The following DNAAF11 variants were observed in gnomAD, a reference collection of about 807,000 sequenced individuals.
DNAAF11 encodes the protein dynein axonemal assembly factor 11, also known as leucine rich repeat containing 6.
A neutral mutation model predicts 60.8 loss-of-function variants in DNAAF11; 45 were observed. The observed-to-expected ratio is 0.74, with a 90% CI of 0.58 to 0.95. DNAAF11 has a LOEUF of 0.95. DNAAF11 is among the 40% of genes least tolerant of loss of function. The pLI, the probability that DNAAF11 is intolerant of heterozygous loss-of-function variation, is 0.00. For synonymous variants in DNAAF11, 191 were observed against 183.5 expected, an observed-to-expected ratio of 1.04 and a Z score of -0.33; for missense variants, 546 against 546.2, an observed-to-expected ratio of 1.00 and a Z score of 0.00.
At chr8:132,579,825 T>C (rs1217568989) in intron 11 of DNAAF11, among the ~76,000 whole-genome samples, 3 of 151,796 alleles carry the variant, frequency 2.0e-5, no homozygotes, top group Non-Finnish European at 4.4e-5. Flanking sequence ...CAAAAACCTG[T>C]CTCTACTAAA....
intron 3 of DNAAF11, among the ~76,000 whole-genome samples, chr8:132,641,056 G>T (rs192250213): frequency 6.6e-6 from 1 of 152,184 alleles, no homozygotes; most frequent in Admixed American, 6.5e-5. Flanking sequence ...TAAATTGGGG[G>T]AGAAGGCAAA....
the DNAAF11 span, among the ~76,000 whole-genome samples, chr8:132,700,264 G>A: frequency 6.6e-6 from 1 of 152,152 alleles, no homozygotes; most frequent in Non-Finnish European, 1.5e-5. Context: ...GAGACTCCTT[G>A]ACAGACCCAG....
Position 132,571,840 on chromosome 8 carries a change from T to C in DNAAF11, c.*466A>G, listed in dbSNP as rs923476754. On this transcript the variant is annotated 3_prime_UTR_variant, in exon 12 of 12. Transcript: ENST00000620350. ...AACTCATATTCTTGCCATTATACCA[T>C]GCCACCAGAGAAAGCAGACACATCA... is the stretch of plus-strand genomic sequence containing the variant. 4.6e-5 allele frequency: 7 copies of C among 152,590 alleles called. No homozygotes were observed. The highest frequency in any genetic ancestry group is 1.7e-4 in the African/African-American group (7 of 41,470). The allele number at this position is 152,590 out of a possible 1,614,324, so 9.5% of individuals were successfully genotyped here. A position where few individuals can be genotyped will look rare whatever the true frequency, so the allele number is the denominator to read the frequency against.
intron 4 of DNAAF11, among the ~76,000 whole-genome samples, chr8:132,635,060 G>A (rs1435931643): frequency 2.6e-5 from 4 of 152,072 alleles, no homozygotes; most frequent in African/African-American, 7.2e-5. Context: ...CTGACAGGAG[G>A]CAAAAGACCT....
At chr8:132,590,408 C>T (rs924351318) in intron 10 of DNAAF11, among the ~76,000 whole-genome samples, 13 of 152,144 alleles carry the variant, frequency 8.5e-5, no homozygotes, top group African/African-American at 3.1e-4. Flanking sequence ...TCCCTCTGTC[C>T]CAGGAATAGT....
At chr8:132,610,433 C>T (rs964239022) in intron 9 of DNAAF11, among the ~76,000 whole-genome samples, 172 bp from the exon 10 acceptor site, 1 of 152,064 alleles carries the variant, frequency 6.6e-6, no homozygotes, top group Admixed American at 6.6e-5. Context: ...AACTATTTTA[C>T]CTATTTTAAC....
intron 7 of DNAAF11, among the ~76,000 whole-genome samples, chr8:132,617,899 C>T (rs1819339807): frequency 6.7e-6 from 1 of 149,556 alleles, no homozygotes; most frequent in Non-Finnish European, 1.5e-5. Flanking sequence ...TCAATGCCAT[C>T]CCCATCAAGC....
At chr8:132,638,273 G>T (rs576556888) in intron 3 of DNAAF11, among the ~76,000 whole-genome samples, 166 bp from the exon 4 acceptor site, 1 of 152,108 alleles carries the variant, frequency 6.6e-6, no homozygotes, top group Admixed American at 6.6e-5. Flanking sequence ...CAACTCAAAG[G>T]CTTCATCTTA....
chr8:132,696,611 G>A, the DNAAF11 span, among the ~76,000 whole-genome samples: 1 of 152,184 alleles, frequency 6.6e-6, no homozygotes, highest in African/African-American at 2.4e-5. Flanking sequence ...TCATGTTGCA[G>A]CATGGGTATG....
rs139234742 is a variant in DNAAF11 at position 132,575,154 on chromosome 8, G to A, written c.1227-2674C>T. Among the ~76,000 whole-genome samples, 740 of 152,284 alleles carry A rather than the reference G, an allele frequency of 4.9e-3. 12 individuals are homozygous for A. Among genetic ancestry groups the A allele is most frequent in the African/African-American group, 0.017 (712 of 41,542 alleles). On this transcript the variant is annotated intron_variant, in intron 11 of 11. Coordinates refer to ENST00000620350, the MANE Select transcript of DNAAF11 (RefSeq NM_012472.6). Reference sequence around the variant, plus strand: ...GGCAGTAGAGTGTCTAGGGTAGCTTGCAAGATCCTGGCTCCTACCTGCTAA... The same window carrying A: ...GGCAGTAGAGTGTCTAGGGTAGCTTACAAGATCCTGGCTCCTACCTGCTAA...
chr8:132,631,465 G>A (rs35475604), intron 5 of DNAAF11, among the ~76,000 whole-genome samples: 9,401 of 152,244 alleles, frequency 0.062, 388 homozygotes, highest in South Asian at 0.084. Context: ...CTTCATGTGC[G>A]TAAATCTCAA....
At chr8:132,658,034 C>T (rs1233795337) in intron 2 of DNAAF11, among the ~76,000 whole-genome samples, 1 of 152,122 alleles carries the variant, frequency 6.6e-6, no homozygotes, top group Non-Finnish European at 1.5e-5. Context: ...CCTCCTCTGC[C>T]CATTTCTCAG....
At chr8:132,674,276 C>A (rs1489339782) in intron 1 of DNAAF11, among the ~76,000 whole-genome samples, 4 of 151,884 alleles carry the variant, frequency 2.6e-5, no homozygotes, top group African/African-American at 9.7e-5. Flanking sequence ...GGGGAGACAG[C>A]CCTGAGAAGA....
intron 3 of DNAAF11, among the ~76,000 whole-genome samples, chr8:132,642,008 T>C (rs1255962038): frequency 6.6e-6 from 1 of 151,994 alleles, no homozygotes; most frequent in Non-Finnish European, 1.5e-5. Flanking sequence ...TATAGCAAAA[T>C]GATAATAGCA....
intron 11 of DNAAF11, 33 bp downstream of exon 11, chr8:132,583,658 TATA>T (rs1275595590): frequency 8.6e-6 from 13 of 1,519,270 alleles, no homozygotes; most frequent in Non-Finnish European, 1.2e-5. Flanking sequence ...AAGAGAACAA[TATA>T]ATACAGCTAA....
At chr8:132,635,629 A>C (rs1821220432) in intron 4 of DNAAF11, among the ~76,000 whole-genome samples, 1 of 152,198 alleles carries the variant, frequency 6.6e-6, no homozygotes, top group African/African-American at 2.4e-5. Flanking sequence ...TGACAAAAAA[A>C]GATGTTGAAG....
intron 3 of DNAAF11, among the ~76,000 whole-genome samples, chr8:132,649,127 G>T (rs1822727318): frequency 2.0e-5 from 3 of 152,114 alleles, no homozygotes; most frequent in Admixed American, 6.6e-5. Context: ...ATACTACAAG[G>T]CTACAGTAAC....
intron 7 of DNAAF11, among the ~76,000 whole-genome samples, chr8:132,618,819 G>A (rs921248564): frequency 1.6e-4 from 24 of 152,268 alleles, no homozygotes; most frequent in Non-Finnish European, 2.8e-4. Flanking sequence ...AGAGGATGTG[G>A]AGAAATAGGA....
the DNAAF11 span, chr8:132,687,514 A>T: frequency 2.3e-6 from 1 of 428,924 alleles, no homozygotes; most frequent in Non-Finnish European, 4.7e-6. Context: ...GCCTCATCTC[A>T]TCGCTTCAGA....
Sources: gnomAD v4.1 joint callset for allele counts (sites outside exome capture counted in the v4.1 genomes callset) on GRCh38, gnomAD v4.1.1 for gene constraint, MANE v1.5 for transcripts, NCBI Gene and HGNC (gene_info 2026-07-23, HGNC 2026-07-21) for gene names.